Variants in GRID2 observed in about 807,000 individuals in gnomAD.
GRID2 encodes the protein glutamate receptor ionotropic, delta-2.
In GRID2, 33 loss-of-function variants were observed where a neutral mutation model predicts 114.8. The ratio of observed to expected loss-of-function variants is 0.29; its 90% confidence interval spans 0.22 to 0.38. The LOEUF is 0.38. Ranked by LOEUF, GRID2 falls within the 10% of genes least tolerant of loss-of-function variation. The pLI, the probability that GRID2 is intolerant of heterozygous loss-of-function variation, is 1.00. For synonymous variants in GRID2, 505 were observed against 449.9 expected (o/e 1.12, Z -1.55); for missense variants, 1,184 against 1,257.7 (o/e 0.94, Z 0.89).
chr4:93,053,568 T>C (rs1179189736), intron 2 of GRID2, among the ~76,000 whole-genome samples: 3 of 151,982 alleles, frequency 2.0e-5, no homozygotes, highest in Non-Finnish European at 4.4e-5. Context: ...AGCTTCCCAC[T>C]GTGCACTGGC....
intron 4 of GRID2, among the ~76,000 whole-genome samples, chr4:93,179,380 A>C (rs1043368665): frequency 4.6e-5 from 7 of 152,186 alleles, no homozygotes; most frequent in Non-Finnish European, 8.8e-5. Flanking sequence ...TTAAAAATCA[A>C]ATGAAATGTA....
chr4:93,672,497 T>C (rs925139169), intron 14 of GRID2, among the ~76,000 whole-genome samples: 1 of 152,236 alleles, frequency 6.6e-6, no homozygotes, highest in African/African-American at 2.4e-5. Flanking sequence ...GACTTAAATA[T>C]TTAGAAACGT....
chr4:92,868,971 A>C (rs780957727), intron 2 of GRID2, among the ~76,000 whole-genome samples: 2 of 152,174 alleles, frequency 1.3e-5, no homozygotes, highest in Non-Finnish European at 2.9e-5. Flanking sequence ...GTCCCTGTCT[A>C]TGACATCTAA....
intron 10 of GRID2, among the ~76,000 whole-genome samples, chr4:93,449,003 C>T (rs550080468): frequency 1.3e-4 from 19 of 147,926 alleles, no homozygotes; most frequent in African/African-American, 4.2e-4. Flanking sequence ...TATTTTTCCT[C>T]CTTCCCTTTT....
At chr4:93,718,114 C>T (rs1028622839) in intron 14 of GRID2, among the ~76,000 whole-genome samples, 2 of 151,948 alleles carry the variant, frequency 1.3e-5, no homozygotes, top group African/African-American at 4.8e-5. Context: ...AAAAGTAGTA[C>T]AAAGTATTTT....
intron 2 of GRID2, among the ~76,000 whole-genome samples, chr4:92,690,847 G>A (rs979916107): frequency 6.6e-6 from 1 of 151,066 alleles, no homozygotes; most frequent in African/African-American, 2.4e-5. Context: ...ACCTTAGTTT[G>A]TTGATTTAGT....
At chr4:93,054,069 TTTTG>T (rs906053676) in intron 2 of GRID2, among the ~76,000 whole-genome samples, 1 of 152,080 alleles carries the variant, frequency 6.6e-6, no homozygotes, top group African/African-American at 2.4e-5. Context: ...TAAAAGCATT[TTTTG>T]TTTGTTTTAT....
At chr4:93,802,916 G>T (rs1734958939) in intron 1 of GRID2, among the ~76,000 whole-genome samples, 1 of 152,202 alleles carries the variant, frequency 6.6e-6, no homozygotes, top group Admixed American at 6.5e-5. Flanking sequence ...GTGTAATGCA[G>T]TTGATAAACC....
rs186059460 is a variant in GRID2, at chr4:93,108,103, C to G, written c.530-2645C>G. On this transcript the variant is annotated intron_variant, in intron 3 of 15. Coordinates refer to ENST00000282020, the MANE Select transcript of GRID2 (RefSeq NM_001510.4). ...CTGAGCTGTTGCCTTTTCTCCTTAT[C>G]TATTTGCTTGGATAATGTCTTCTTA... 2.1e-3 allele frequency among the ~76,000 whole-genome samples: 323 copies of G among 152,224 alleles called. 1 individual carries two copies. The highest frequency in any genetic ancestry group is 3.6e-3 in the Non-Finnish European group (247 of 68,014).
At chr4:92,324,752 A>G (rs1266240837) in intron 1 of GRID2, among the ~76,000 whole-genome samples, 1 of 151,976 alleles carries the variant, frequency 6.6e-6, no homozygotes, top group Non-Finnish European at 1.5e-5. Context: ...GAAAATCTAT[A>G]TATGCTGATA....
At chr4:93,789,863 G>A (rs1034847201) in intron 1 of GRID2, among the ~76,000 whole-genome samples, 3 of 152,296 alleles carry the variant, frequency 2.0e-5, no homozygotes, top group African/African-American at 7.2e-5. Flanking sequence ...TCCATGGCCT[G>A]TTAGGAACTG....
At chr4:92,305,136 G>A (rs905856274) in intron 1 of GRID2, among the ~76,000 whole-genome samples, 1 of 152,070 alleles carries the variant, frequency 6.6e-6, no homozygotes, top group Admixed American at 6.6e-5. Context: ...CTTTGGGGGA[G>A]CAGAGAAGCT....
chr4:92,753,388 A>T (rs578078706), intron 2 of GRID2, among the ~76,000 whole-genome samples: 2 of 152,298 alleles, frequency 1.3e-5, no homozygotes, highest in South Asian at 4.1e-4. Flanking sequence ...TTCAAAGGGG[A>T]TGAGTGTAAT....
In GRID2 at chr4:93,583,254, AG is replaced by A. The variant is rs74600961; in HGVS notation, c.2194-43009del. Among the ~76,000 whole-genome samples, 6 of 152,274 alleles carry A rather than the reference AG, an allele frequency of 3.9e-5. No individual in the cohort carries two copies. In the East Asian group the frequency reaches 1.2e-3, roughly 29 times the overall value. On this transcript the variant is annotated intron_variant, in intron 13 of 15. Coordinates refer to ENST00000282020, the MANE Select transcript of GRID2 (RefSeq NM_001510.4). ...AGGTTCAAGATGGACATGAATTTCGAGGGGGGCACTATTTAACTCGCTACAG... is the reference window on the plus strand; with the variant it reads ...AGGTTCAAGATGGACATGAATTTCGAGGGGGCACTATTTAACTCGCTACAG...
At chr4:92,770,220 A>G (rs1333055738) in intron 2 of GRID2, among the ~76,000 whole-genome samples, 1 of 152,194 alleles carries the variant, frequency 6.6e-6, no homozygotes, top group African/African-American at 2.4e-5. Flanking sequence ...AAACATAAAG[A>G]GAATCACCTT....
chr4:93,021,746 TTATTTATAATATGAATATTATAA>T (rs1402562380), intron 2 of GRID2, among the ~76,000 whole-genome samples: 2 of 145,652 alleles, frequency 1.4e-5, no homozygotes, highest in East Asian at 3.9e-4. Context: ...AATATTATAA[TTATTTATAATATGAATATTATAA>T]TATTTACAAT....
intron 2 of GRID2, among the ~76,000 whole-genome samples, chr4:92,903,831 C>A (rs368306233): frequency 1.3e-5 from 2 of 151,966 alleles, no homozygotes; most frequent in South Asian, 4.1e-4. Context: ...ATTTACATAC[C>A]GCACTTCTCT....
At chr4:92,966,102 T>C (rs1753139019) in intron 2 of GRID2, among the ~76,000 whole-genome samples, 1 of 151,936 alleles carries the variant, frequency 6.6e-6, no homozygotes, top group African/African-American at 2.4e-5. Flanking sequence ...GAAGTATTCA[T>C]GGACTTCCAC....
At chr4:93,538,071 A>G (rs1732278196) in intron 13 of GRID2, among the ~76,000 whole-genome samples, 1 of 151,786 alleles carries the variant, frequency 6.6e-6, no homozygotes, top group Non-Finnish European at 1.5e-5. Flanking sequence ...TAAAATTTTT[A>G]TTCGTTTATT....
Sources: allele counts gnomAD v4.1 joint callset (sites outside exome capture counted in the v4.1 genomes callset), GRCh38; gene constraint gnomAD v4.1.1; transcripts MANE v1.5; gene names NCBI Gene and HGNC (gene_info 2026-07-23, HGNC 2026-07-21).